The following OPCML variants were observed in gnomAD, a reference collection of about 807,000 sequenced individuals.
OPCML encodes the protein opioid binding protein/cell adhesion molecule like, also known as opioid-binding protein/cell adhesion molecule.
Under a neutral mutation model 37.8 loss-of-function variants are expected in OPCML, and 13 were observed. The observed-to-expected ratio is 0.34, with a 90% confidence interval of 0.22 to 0.55. The LOEUF is 0.55. Ranked by LOEUF, OPCML falls within the 20% of genes least tolerant of loss-of-function variation. The probability of loss-of-function intolerance (pLI) is 0.91; values close to 1 mark genes in which losing one functional copy is unlikely to be tolerated. For missense variants in OPCML, 341 were observed against 435.6 expected (o/e 0.78, Z 1.93); for synonymous variants, 176 against 168.8 (o/e 1.04, Z -0.33).
At chr11:132,584,263 A>T (rs1352887547) in intron 3 of OPCML, among the ~76,000 whole-genome samples, 1 of 152,136 alleles carries the variant, frequency 6.6e-6, no homozygotes, top group Admixed American at 6.6e-5. Context: ...TATCATCTTC[A>T]TTGGAGGCAA....
intron 1 of OPCML, among the ~76,000 whole-genome samples, chr11:133,196,770 C>T (rs1938551368): frequency 6.6e-6 from 1 of 152,112 alleles, no homozygotes; most frequent in Non-Finnish European, 1.5e-5. Context: ...TAGTCAATTG[C>T]CCAGTTGCAC....
At chr11:132,810,185 A>G (rs968961130) in intron 2 of OPCML, among the ~76,000 whole-genome samples, 4 of 152,126 alleles carry the variant, frequency 2.6e-5, no homozygotes, top group South Asian at 2.1e-4. Context: ...TCCAAGGGCC[A>G]CATCTTTGTG....
intron 1 of OPCML, among the ~76,000 whole-genome samples, chr11:133,226,046 A>T (rs1940022829): frequency 6.6e-6 from 1 of 152,262 alleles, no homozygotes; most frequent in African/African-American, 2.4e-5. Context: ...TTGGCACAGC[A>T]ATTAAGTGAC....
At chr11:133,078,398 A>T (rs1948655769) in intron 1 of OPCML, among the ~76,000 whole-genome samples, 1 of 152,216 alleles carries the variant, frequency 6.6e-6, no homozygotes, top group South Asian at 2.1e-4. Context: ...GACACACTGC[A>T]TGTGTGCAGG....
At position 133,019,523 on chromosome 11, in the gene OPCML, T is replaced by C. The variant is rs75626921; in HGVS notation, c.62-76513A>G. On this transcript the variant is annotated intron_variant, in intron 1 of 7. Coordinates refer to ENST00000524381, the MANE Select transcript of OPCML (RefSeq NM_001012393.5). ...ACCACAATCAATTATCATGTCTTCT[T>C]GTCCATTTCAGCCTATTCTTAATTA... 4.5e-3 allele frequency among the ~76,000 whole-genome samples: 684 copies of C among 152,326 alleles called. 1 individual carries two copies. Among genetic ancestry groups the C allele is most frequent in the East Asian group, 8.1e-3 (42 of 5,174 alleles).
intron 1 of OPCML, among the ~76,000 whole-genome samples, chr11:133,439,669 G>A (rs140113904): frequency 0.039 from 5,902 of 151,714 alleles, 154 homozygotes; most frequent in Middle Eastern, 0.079. Context: ...GGGTTTCACC[G>A]TTTTAGCCAG....
At chr11:133,227,434 G>C (rs1362905751) in intron 1 of OPCML, among the ~76,000 whole-genome samples, 1 of 152,160 alleles carries the variant, frequency 6.6e-6, no homozygotes, top group Non-Finnish European at 1.5e-5. Flanking sequence ...CTCCCAGTTT[G>C]AAAAGAGAGA....
chr11:133,025,060 T>C, intron 1 of OPCML: 1 of 934,338 alleles, frequency 1.1e-6, no homozygotes, highest in Non-Finnish European at 1.3e-6. Flanking sequence ...TGCTGAGGTA[T>C]CTATGGAGTA....
Position 132,941,977 on chromosome 11 carries a change from G to C in OPCML, c.146+949C>G, listed in dbSNP as rs187897521. 9.2e-5 allele frequency among the ~76,000 whole-genome samples: 14 copies of C among 152,268 alleles called. No homozygotes were observed. In the East Asian group the frequency reaches 2.5e-3, roughly 27 times the overall value. ...ATTTTGGCTGCAGAATCTGGGTCAGGATGTTTTATTGTCACCATAACCATC... is the reference window on the plus strand; with the variant it reads ...ATTTTGGCTGCAGAATCTGGGTCAGCATGTTTTATTGTCACCATAACCATC... On this transcript the variant is annotated intron_variant, in intron 2 of 7. Coordinates refer to ENST00000524381, the MANE Select transcript of OPCML (RefSeq NM_001012393.5).
intron 1 of OPCML, among the ~76,000 whole-genome samples, chr11:133,374,408 G>T (rs1427599818): frequency 6.6e-6 from 1 of 152,130 alleles, no homozygotes; most frequent in Non-Finnish European, 1.5e-5. Context: ...TCACTATATT[G>T]GTTGTGATGA....
At chr11:133,500,833 C>T (rs192791327) in intron 1 of OPCML, among the ~76,000 whole-genome samples, 37 of 152,110 alleles carry the variant, frequency 2.4e-4, no homozygotes, top group African/African-American at 8.5e-4. Context: ...AACTCAGAGA[C>T]TAGGACTTAA....
At chr11:132,509,272 G>A (rs2096263713) in intron 4 of OPCML, among the ~76,000 whole-genome samples, 1 of 152,070 alleles carries the variant, frequency 6.6e-6, no homozygotes, top group Non-Finnish European at 1.5e-5. Flanking sequence ...AAAGAGTACT[G>A]TTAAAGGCAT....
At chr11:132,708,408 T>A (rs1454453748) in intron 2 of OPCML, among the ~76,000 whole-genome samples, 1 of 152,230 alleles carries the variant, frequency 6.6e-6, no homozygotes, top group Non-Finnish European at 1.5e-5. Context: ...TCAAGAATAA[T>A]GGAAAGAAAC....
At chr11:133,431,645 A>G (rs529203984) in intron 1 of OPCML, among the ~76,000 whole-genome samples, 1 of 151,830 alleles carries the variant, frequency 6.6e-6, no homozygotes, top group African/African-American at 2.4e-5. Flanking sequence ...TTGTATTTTT[A>G]GTAGAGACGG....
At chr11:132,731,459 C>G (rs1411966333) in intron 2 of OPCML, among the ~76,000 whole-genome samples, 2 of 152,128 alleles carry the variant, frequency 1.3e-5, no homozygotes, top group African/African-American at 4.8e-5. Flanking sequence ...CAGTGTATTG[C>G]CTTACAGACT....
intron 1 of OPCML, among the ~76,000 whole-genome samples, chr11:133,462,599 T>C (rs1358552215): frequency 1.3e-5 from 2 of 151,410 alleles, no homozygotes; most frequent in East Asian, 1.9e-4. Flanking sequence ...ATGCTAACTA[T>C]TGGAGAAATG....
rs61504273 is a variant in OPCML at position 133,263,049 on chromosome 11, G to C, written c.61+269215C>G. On this transcript the variant is annotated intron_variant, in intron 1 of 7. Coordinates refer to ENST00000524381, the MANE Select transcript of OPCML (RefSeq NM_001012393.5). ...CAAGCAGAAGAGTGGTCATGCAAAA[G>C]AAAATGCACAGAATCTGAAAACAAG... is the stretch of plus-strand genomic sequence containing the variant. 6.3e-3 allele frequency among the ~76,000 whole-genome samples: 952 copies of C among 151,898 alleles called. 9 individuals are homozygous for C. Among genetic ancestry groups the C allele is most frequent in the African/African-American group, 0.022 (893 of 41,466 alleles).
At chr11:132,906,328 A>G (rs1471134099) in intron 2 of OPCML, among the ~76,000 whole-genome samples, 1 of 152,228 alleles carries the variant, frequency 6.6e-6, no homozygotes, top group Non-Finnish European at 1.5e-5. Context: ...AACATCTTAA[A>G]TAAATCTTTA....
At chr11:132,586,325 A>G (rs1411294614) in intron 3 of OPCML, among the ~76,000 whole-genome samples, 1 of 152,164 alleles carries the variant, frequency 6.6e-6, no homozygotes, top group African/African-American at 2.4e-5. Flanking sequence ...ATCCCCATGT[A>G]CCTCTGAAAT....
Sources: gnomAD v4.1 joint callset for allele counts (sites outside exome capture counted in the v4.1 genomes callset) on GRCh38, gnomAD v4.1.1 for gene constraint, MANE v1.5 for transcripts, NCBI Gene and HGNC (gene_info 2026-07-23, HGNC 2026-07-21) for gene names.